SYT14: variants seen among roughly 807,000 people sequenced by gnomAD.
The protein encoded by SYT14 is synaptotagmin 14, also known as synaptotagmin-14.
SYT14 carries 32 observed loss-of-function variants against 74.2 expected under a neutral mutation model. The observed-to-expected ratio is 0.43, with a 90% CI of 0.33 to 0.58. SYT14 has a LOEUF of 0.58. Ranked by LOEUF, SYT14 falls within the 20% of genes least tolerant of loss-of-function variation. SYT14 has a pLI of 0.05. For missense variants in SYT14, 791 were observed against 981.8 expected (o/e 0.81, Z 2.60); for synonymous variants, 298 against 337.7 (o/e 0.88, Z 1.29).
intron 7 of SYT14, among the ~76,000 whole-genome samples, chr1:210,149,956 T>C (rs576427635): frequency 8.1e-4 from 124 of 152,346 alleles, no homozygotes; most frequent in Non-Finnish European, 1.6e-3. Flanking sequence ...GTCTGTTTTT[T>C]CTGCCTAGCA....
exon 4 of SYT14, chr1:210,016,104 A>G (rs2080177371): frequency 6.5e-6 from 8 of 1,231,978 alleles, no homozygotes; most frequent in Non-Finnish European, 8.1e-6. Flanking sequence ...GCTGTTGGGG[A>G]GGTCAGCTAT....
Position 209,954,291 on chromosome 1 carries a change from C to CT in SYT14, c.-486+1544dup, listed in dbSNP as rs747028907. ...AGGATAGAGGATGGTGTGAATATATCTTTTTTTTTCATGGCTTTTTTATTG... is the reference window on the plus strand; with the variant it reads ...AGGATAGAGGATGGTGTGAATATATCTTTTTTTTTTCATGGCTTTTTTATTG... On this transcript the variant is annotated intron_variant, in intron 2 of 9. Transcript: ENST00000637265. Among the ~76,000 whole-genome samples the CT allele has an allele frequency of 9.9e-5, 15 of 151,514 alleles. No individual in the cohort carries two copies. The South Asian group carries it at 3.1e-3, about 32-fold the overall frequency.
intron 7 of SYT14, among the ~76,000 whole-genome samples, chr1:210,124,965 A>G (rs2082538609): frequency 6.6e-6 from 1 of 152,034 alleles, no homozygotes; most frequent in African/African-American, 2.4e-5. Context: ...ACATTTGTGC[A>G]TGATTTGCGA....
Position 210,059,451 on chromosome 1 carries a change from T to TATATAGAGAGAG in SYT14, c.1313-34870_1313-34869insTATAGAGAGAGA, listed in dbSNP as rs377050610. On this transcript the variant is annotated intron_variant, in intron 5 of 9. Transcript: ENST00000637265. ...GAATATATATATATATATATATATATAGAGAGAGAGAGAGAGAGAGAGAGA... is the reference window on the plus strand; with the variant it reads ...GAATATATATATATATATATATATATATATAGAGAGAGAGAGAGAGAGAGAGAGAGAGAGAGA... Among the ~76,000 whole-genome samples the TATATAGAGAGAG allele has an allele frequency of 2.0e-3, 142 of 69,892 alleles. 2 individuals carry two copies. Among genetic ancestry groups the TATATAGAGAGAG allele is most frequent in the Middle Eastern group, 0.012 (1 of 86 alleles). The allele number at this position is 69,892 out of a possible 152,430, so 45.9% of individuals were successfully genotyped here. A position where few individuals can be genotyped will look rare whatever the true frequency, so the allele number is the denominator to read the frequency against.
In SYT14 at chr1:210,033,667, G is replaced by A. The variant is rs114905950; in HGVS notation, c.1312+12413G>A. On this transcript the variant is annotated intron_variant, in intron 5 of 9. Transcript: ENST00000637265. Reference sequence around the variant, plus strand: ...AAGTAAGATCATTTAAATGGATTTTGAGTCTCAGTAAGGCAGTTATTTACT... The same window carrying A: ...AAGTAAGATCATTTAAATGGATTTTAAGTCTCAGTAAGGCAGTTATTTACT... 5.7e-3 allele frequency among the ~76,000 whole-genome samples: 869 copies of A among 151,834 alleles called. 7 individuals are homozygous for A. The highest frequency in any genetic ancestry group is 0.019 in the African/African-American group (801 of 41,488).
chr1:209,989,812 T>C (rs1414630188), intron 2 of SYT14, among the ~76,000 whole-genome samples: 1 of 152,106 alleles, frequency 6.6e-6, no homozygotes. Flanking sequence ...TTGCCTAGTG[T>C]GTATATATGA....
At chr1:210,119,814 T>G (rs1299222709) in intron 7 of SYT14, among the ~76,000 whole-genome samples, 1 of 152,212 alleles carries the variant, frequency 6.6e-6, no homozygotes, top group Non-Finnish European at 1.5e-5. Flanking sequence ...TTCTCCATAG[T>G]ACACATGTTA....
exon 10 of SYT14, chr1:210,168,582 C>T (rs1291364848): frequency 6.6e-6 from 1 of 151,976 alleles, no homozygotes; most frequent in African/African-American, 2.4e-5. Context: ...TCTATATATT[C>T]AGATATTGCT....
chr1:210,075,424 T>C (rs1558171613), intron 5 of SYT14, among the ~76,000 whole-genome samples: 1 of 143,400 alleles, frequency 7.0e-6, no homozygotes, highest in Non-Finnish European at 1.5e-5. Flanking sequence ...AACCTCCACC[T>C]CCTGGGTTCA....
At chr1:209,960,570 T>C (rs911074246) in intron 2 of SYT14, among the ~76,000 whole-genome samples, 2 of 152,154 alleles carry the variant, frequency 1.3e-5, no homozygotes, top group Non-Finnish European at 2.9e-5. Flanking sequence ...TCCAATCTTT[T>C]CTCCCATTTG....
chr1:209,949,224 G>C (rs2078870995), intron 1 of SYT14, among the ~76,000 whole-genome samples: 1 of 152,132 alleles, frequency 6.6e-6, no homozygotes, highest in Non-Finnish European at 1.5e-5. Flanking sequence ...CATTTAACCT[G>C]GAGAATGCAT....
intron 8 of SYT14, among the ~76,000 whole-genome samples, chr1:210,158,302 A>AT (rs1299686024): frequency 2.0e-5 from 3 of 152,188 alleles, no homozygotes; most frequent in Non-Finnish European, 4.4e-5. Flanking sequence ...GGAGATGGTG[A>AT]GGCCTGTGAC....
chr1:210,152,125 C>G (rs1023951874), intron 7 of SYT14, among the ~76,000 whole-genome samples: 1 of 152,168 alleles, frequency 6.6e-6, no homozygotes, highest in African/African-American at 2.4e-5. Flanking sequence ...TTGAAACTTA[C>G]TAAAATTGTT....
At chr1:210,157,405 G>A (rs920330060) in intron 8 of SYT14, among the ~76,000 whole-genome samples, 8 of 150,328 alleles carry the variant, frequency 5.3e-5, no homozygotes, top group African/African-American at 2.0e-4. Context: ...TTGCACCACC[G>A]CACTCCAGCC....
At chr1:210,039,317 A>T (rs1436498293) in intron 5 of SYT14, among the ~76,000 whole-genome samples, 1 of 152,054 alleles carries the variant, frequency 6.6e-6, no homozygotes, top group Non-Finnish European at 1.5e-5. Context: ...AGAGCTATAA[A>T]AGATGCCTGC....
At chr1:210,106,713 G>A (rs911378374) in intron 7 of SYT14, among the ~76,000 whole-genome samples, 2 of 152,118 alleles carry the variant, frequency 1.3e-5, no homozygotes, top group African/African-American at 2.4e-5. Context: ...ATGGAGGCGG[G>A]ATTATGGGAA....
intron 2 of SYT14, among the ~76,000 whole-genome samples, chr1:209,984,157 A>C (rs2079534475): frequency 6.6e-6 from 1 of 152,228 alleles, no homozygotes; most frequent in African/African-American, 2.4e-5. Context: ...AGAATGATCA[A>C]AATGCACAAC....
At position 210,074,303 on chromosome 1, in the gene SYT14, T is replaced by C. The variant is rs377357924; in HGVS notation, c.1313-20019T>C. On this transcript the variant is annotated intron_variant, in intron 5 of 9. Transcript: ENST00000637265. ...GCTATTACAATTCCTGATTTACAGA[T>C]GAGCAAATAAAATCATCAGAGATGT... Among the ~76,000 whole-genome samples, 10 of 152,150 alleles carry C rather than the reference T, an allele frequency of 6.6e-5. No homozygotes were observed. In the South Asian group the frequency reaches 8.3e-4, roughly 13 times the overall value.
chr1:210,074,913 A>G (rs1486309643), intron 5 of SYT14, among the ~76,000 whole-genome samples: 6 of 152,008 alleles, frequency 3.9e-5, no homozygotes, highest in Admixed American at 2.0e-4. Flanking sequence ...AGTCAGCTCA[A>G]TTAGACCCCT....
Sources: gnomAD v4.1 joint callset for allele counts (sites outside exome capture counted in the v4.1 genomes callset) on GRCh38, gnomAD v4.1.1 for gene constraint, MANE v1.5 for transcripts, NCBI Gene and HGNC (gene_info 2026-07-23, HGNC 2026-07-21) for gene names.